Variants in SCD5 observed in about 807,000 individuals in gnomAD.
SCD5 encodes the protein acyl-CoA-desaturase 4.
Under a neutral mutation model 30.4 loss-of-function variants are expected in SCD5, and 20 were observed. The ratio of observed to expected loss-of-function variants is 0.66; its 90% CI spans 0.46 to 0.96. The LOEUF (loss-of-function observed/expected upper bound fraction) is 0.96, where lower values mean the gene tolerates loss of function less well. Ranked by LOEUF, SCD5 falls within the 40% of genes least tolerant of loss-of-function variation. The pLI is 0.00. For synonymous variants in SCD5, 173 were observed against 176.4 expected (o/e 0.98, Z 0.16); for missense variants, 381 against 443.3 (o/e 0.86, Z 1.26).
intron 1 of SCD5, among the ~76,000 whole-genome samples, chr4:82,788,462 C>T (rs1722034170): frequency 6.6e-6 from 1 of 152,180 alleles, no homozygotes; most frequent in East Asian, 1.9e-4. Flanking sequence ...ATGATCTCGG[C>T]TCACTGCAAC....
intron 3 of SCD5, chr4:82,659,945 C>A (rs1287588815): frequency 2.7e-5 from 4 of 146,820 alleles, no homozygotes; most frequent in Non-Finnish European, 4.5e-5. Context: ...TGCAAAGACA[C>A]ATATAGGCTC....
intron 1 of SCD5, among the ~76,000 whole-genome samples, chr4:82,769,500 G>A (rs1380652621): frequency 6.6e-6 from 1 of 152,156 alleles, no homozygotes; most frequent in East Asian, 1.9e-4. Context: ...TTGGTAGTCT[G>A]TAAGCCTTAA....
intron 2 of SCD5, among the ~76,000 whole-genome samples, chr4:82,695,861 G>A (rs544394507): frequency 6.6e-6 from 1 of 152,140 alleles, no homozygotes; most frequent in African/African-American, 2.4e-5. Flanking sequence ...AGTAGGCTTT[G>A]TCCAATGATC....
intron 3 of SCD5, among the ~76,000 whole-genome samples, chr4:82,647,053 G>A (rs1727647372): frequency 6.6e-6 from 1 of 152,164 alleles, no homozygotes; most frequent in Non-Finnish European, 1.5e-5. Flanking sequence ...TCGAACTCCT[G>A]GCCTCTAGTG....
At chr4:82,707,419 A>G (rs1187064897) in intron 1 of SCD5, among the ~76,000 whole-genome samples, 1 of 152,228 alleles carries the variant, frequency 6.6e-6, no homozygotes, top group Non-Finnish European at 1.5e-5. Context: ...GTCCTGCAGG[A>G]CAGGCTACTA....
Position 82,636,669 on chromosome 4 carries a change from C to A in SCD5, c.724G>T (p.Ala242Ser). Residue 242 changes from alanine (A) to serine (S), a missense_variant, in exon 4 of 5, where the codon GCC (alanine) becomes TCC (serine). Ala to Ser is a moderately conservative substitution (Grantham distance 99). Transcript: ENST00000319540. ...LNISWLVNSA[A>S]HMYGNRPYDK... ...TAGGGCCGGTTTCCATACATGTGGGCGGCGCTGTTGACCAGCCAGCTGATG... is the reference window on the plus strand; with the variant it reads ...TAGGGCCGGTTTCCATACATGTGGGAGGCGCTGTTGACCAGCCAGCTGATG... 1 of 1,614,136 alleles carries A rather than the reference C, an allele frequency of 6.2e-7. No homozygotes were observed. The highest frequency in any genetic ancestry group is 8.5e-7 in the Non-Finnish European group (1 of 1,180,036).
chr4:82,681,002 G>A, intron 2 of SCD5, 90 bp from the exon 3 acceptor site: 2 of 1,024,794 alleles, frequency 2.0e-6, no homozygotes, highest in Non-Finnish European at 1.5e-6. Flanking sequence ...TCCCCCACCA[G>A]TCCTCACTGC....
At chr4:82,795,400 A>G (rs1722190209) in intron 1 of SCD5, among the ~76,000 whole-genome samples, 1 of 152,208 alleles carries the variant, frequency 6.6e-6, no homozygotes, top group East Asian at 1.9e-4. Context: ...AAATTTGTGG[A>G]TCAAGGCACC....
chr4:82,718,452 C>T (rs1376090829), intron 1 of SCD5, among the ~76,000 whole-genome samples: 1 of 151,722 alleles, frequency 6.6e-6, no homozygotes, highest in Non-Finnish European at 1.5e-5. Flanking sequence ...CCATGGTGAT[C>T]GGTGTGAACC....
intron 1 of SCD5, among the ~76,000 whole-genome samples, chr4:82,754,004 A>G (rs934506517): frequency 6.6e-6 from 1 of 152,162 alleles, no homozygotes; most frequent in African/African-American, 2.4e-5. Context: ...CTGGCTCCTT[A>G]GGGTCCTCCC....
intron 1 of SCD5, among the ~76,000 whole-genome samples, chr4:82,783,386 G>A: frequency 6.6e-6 from 1 of 152,114 alleles, no homozygotes; most frequent in East Asian, 1.9e-4. Flanking sequence ...CTAATCCAAA[G>A]GGGGAAAAAA....
chr4:82,657,574 T>C (rs6819516), intron 3 of SCD5, among the ~76,000 whole-genome samples: 144,985 of 152,296 alleles, frequency 0.95, 69,114 homozygotes, highest in East Asian at 1. Flanking sequence ...ATTGTCTTGG[T>C]TATACAGGCT....
intron 1 of SCD5, among the ~76,000 whole-genome samples, chr4:82,739,895 G>A (rs1398819814): frequency 6.6e-6 from 1 of 152,138 alleles, no homozygotes; most frequent in African/African-American, 2.4e-5. Flanking sequence ...AATCTAAGGC[G>A]AGTGCAGGTC....
chr4:82,677,523 T>C (rs1383737112), intron 3 of SCD5, among the ~76,000 whole-genome samples: 2 of 152,232 alleles, frequency 1.3e-5, no homozygotes, highest in Non-Finnish European at 2.9e-5. Context: ...CTCCACCGTC[T>C]AACTGGCAGG....
intron 1 of SCD5, among the ~76,000 whole-genome samples, chr4:82,788,805 T>C (rs531695176): frequency 1.6e-4 from 25 of 152,300 alleles, no homozygotes; most frequent in African/African-American, 5.3e-4. Context: ...TCTCCTTCCA[T>C]AGGACATTGA....
At chr4:82,729,082 A>G (rs576767739) in intron 1 of SCD5, among the ~76,000 whole-genome samples, 2 of 152,276 alleles carry the variant, frequency 1.3e-5, no homozygotes, top group South Asian at 2.1e-4. Context: ...TGTGTGGCCA[A>G]CCTCACCAAT....
At chr4:82,693,724 C>A (rs111448688) in intron 2 of SCD5, among the ~76,000 whole-genome samples, 3 of 152,172 alleles carry the variant, frequency 2.0e-5, no homozygotes, top group African/African-American at 7.2e-5. Flanking sequence ...GGTGTTCCAG[C>A]CAGAGCCTCT....
chr4:82,777,699 G>A (rs1317917786), intron 1 of SCD5, among the ~76,000 whole-genome samples: 1 of 152,174 alleles, frequency 6.6e-6, no homozygotes, highest in Non-Finnish European at 1.5e-5. Context: ...TTCTGGGAAA[G>A]TATCTTGGTC....
chr4:82,646,280 A>G (rs1235088417), intron 3 of SCD5, among the ~76,000 whole-genome samples: 1 of 152,186 alleles, frequency 6.6e-6, no homozygotes, highest in Non-Finnish European at 1.5e-5. Context: ...GATGCTTAGT[A>G]AACACTTATT....
Sources: gnomAD v4.1 joint callset for allele counts (sites outside exome capture counted in the v4.1 genomes callset) on GRCh38, gnomAD v4.1.1 for gene constraint, MANE v1.5 for transcripts, NCBI Gene and HGNC (gene_info 2026-07-23, HGNC 2026-07-21) for gene names.